Variants in COL5A2 observed in about 807,000 individuals in gnomAD.
COL5A2 encodes collagen type V alpha 2 chain.
Under a neutral mutation model 208.2 loss-of-function variants are expected in COL5A2, and 23 were observed. The ratio of observed to expected loss-of-function variants is 0.11; its 90% CI spans 0.08 to 0.16. The LOEUF is 0.16. Ranked by LOEUF, COL5A2 falls within the 10% of genes least tolerant of loss-of-function variation. COL5A2 has a pLI of 1.00. For missense variants in COL5A2, 1,590 were observed against 1,956.4 expected (o/e 0.81, Z 3.53); for synonymous variants, 625 against 628.5 (o/e 0.99, Z 0.08).
chr2:189,440,990 G>A, the COL5A2 span, among the ~76,000 whole-genome samples: 1 of 152,156 alleles, frequency 6.6e-6, no homozygotes, highest in South Asian at 2.1e-4. Context: ...CTAATGAGAG[G>A]AACAAAAAGC....
chr2:189,277,361 C>A, the COL5A2 span, among the ~76,000 whole-genome samples: 207 of 151,980 alleles, frequency 1.4e-3, no homozygotes, highest in Non-Finnish European at 2.6e-3. Context: ...TAAGGTAAAT[C>A]AAGTAAGCAA....
chr2:189,123,381 G>C (rs1687546932), intron 1 of COL5A2, among the ~76,000 whole-genome samples: 1 of 152,128 alleles, frequency 6.6e-6, no homozygotes. Flanking sequence ...CTAATCCTCT[G>C]TACTTCAGAA....
Position 189,135,081 on chromosome 2 carries a change from C to T in COL5A2, c.98-24632G>A, listed in dbSNP as rs377624985. On this transcript the variant is annotated intron_variant, in intron 1 of 53. Transcript: ENST00000374866. ...TGTAATAAATCTTCAATTCAAGTCACAACTTTTCTTCTTGTTATCTTTCTA... is the reference window on the plus strand; with the variant it reads ...TGTAATAAATCTTCAATTCAAGTCATAACTTTTCTTCTTGTTATCTTTCTA... Among the ~76,000 whole-genome samples the T allele has an allele frequency of 1.0e-3, 154 of 152,262 alleles. 3 individuals are homozygous for T. The highest frequency in any genetic ancestry group is 7.7e-3 in the South Asian group (37 of 4,808).
intron 1 of COL5A2, among the ~76,000 whole-genome samples, chr2:189,216,241 A>G (rs941723995): frequency 6.6e-6 from 1 of 152,154 alleles, no homozygotes. Flanking sequence ...AATGACAGCT[A>G]TGTGGAATGA....
chr2:189,267,470 A>G, the COL5A2 span, among the ~76,000 whole-genome samples: 1 of 152,212 alleles, frequency 6.6e-6, no homozygotes, highest in Non-Finnish European at 1.5e-5. Flanking sequence ...GGAACATGCT[A>G]AATGCATTTT....
At position 189,068,778 on chromosome 2, in the gene COL5A2, A is replaced by G; in HGVS notation, c.1257+8T>C. 2 of 1,601,334 alleles carry G rather than the reference A, an allele frequency of 1.2e-6. No individual in the cohort carries two copies. Among genetic ancestry groups the G allele is most frequent in the Non-Finnish European group, 8.6e-7 (1 of 1,168,710 alleles). ...CTGGGCTGGTTCTTAAATATGCTAG[A>G]AACTTACAGGAAGACCTGGAGAGCC... On this transcript the variant is annotated splice_region_variant and intron_variant, in intron 19 of 53. Transcript: ENST00000374866.
chr2:189,430,200 G>A, the COL5A2 span, among the ~76,000 whole-genome samples: 3 of 152,092 alleles, frequency 2.0e-5, no homozygotes, highest in African/African-American at 2.4e-5. Flanking sequence ...ATCACAACTT[G>A]CACAGGACTC....
At chr2:189,405,030 C>A in the COL5A2 span, among the ~76,000 whole-genome samples, 1 of 151,946 alleles carries the variant, frequency 6.6e-6, no homozygotes, top group Non-Finnish European at 1.5e-5. Flanking sequence ...GATAATTGTA[C>A]CTATTTTATG....
intron 26 of COL5A2, 106 bp downstream of exon 26, chr2:189,063,874 G>T: frequency 2.3e-6 from 2 of 878,656 alleles, no homozygotes; most frequent in Non-Finnish European, 1.8e-6. Context: ...ATGTCAATAT[G>T]ACCAGCATCC....
chr2:189,150,579 A>C (rs755177263), intron 1 of COL5A2, among the ~76,000 whole-genome samples: 23 of 152,192 alleles, frequency 1.5e-4, no homozygotes, highest in Admixed American at 2.6e-4. Flanking sequence ...TCTTATAATA[A>C]AATCGACCTA....
At chr2:189,239,286 CT>C in the COL5A2 span, among the ~76,000 whole-genome samples, 1 of 151,922 alleles carries the variant, frequency 6.6e-6, no homozygotes, top group African/African-American at 2.4e-5. Flanking sequence ...CAAAATGCCC[CT>C]GACCTATTCC....
the COL5A2 span, among the ~76,000 whole-genome samples, chr2:189,409,852 C>T: frequency 6.6e-6 from 1 of 152,056 alleles, no homozygotes; most frequent in African/African-American, 2.4e-5. Context: ...CCATCCACAC[C>T]CAAACCACAG....
chr2:189,293,825 C>T, the COL5A2 span, among the ~76,000 whole-genome samples: 1 of 152,180 alleles, frequency 6.6e-6, no homozygotes, highest in Non-Finnish European at 1.5e-5. Context: ...GTGGCTCATG[C>T]CTGTAATCCC....
At chr2:189,165,021 A>T (rs886459112) in intron 1 of COL5A2, among the ~76,000 whole-genome samples, 20 of 152,262 alleles carry the variant, frequency 1.3e-4, no homozygotes, top group African/African-American at 4.3e-4. Context: ...CTGTCTTGAC[A>T]TCAGTAAAAT....
intron 1 of COL5A2, among the ~76,000 whole-genome samples, chr2:189,151,788 T>C (rs1688147312): frequency 6.6e-6 from 1 of 152,128 alleles, no homozygotes; most frequent in Non-Finnish European, 1.5e-5. Context: ...GCACACACCT[T>C]ATATACTTCT....
intron 1 of COL5A2, among the ~76,000 whole-genome samples, chr2:189,143,955 C>T (rs1349088108): frequency 6.6e-6 from 1 of 152,002 alleles, no homozygotes; most frequent in African/African-American, 2.4e-5. Flanking sequence ...AAGAACTAGA[C>T]ATGGTAATGA....
At chr2:189,193,908 C>T (rs139389786) in intron 1 of COL5A2, among the ~76,000 whole-genome samples, 1 of 152,086 alleles carries the variant, frequency 6.6e-6, no homozygotes, top group Non-Finnish European at 1.5e-5. Context: ...CATGCAATCA[C>T]GAGAAAGCCA....
At chr2:189,143,236 C>T (rs1171199647) in intron 1 of COL5A2, among the ~76,000 whole-genome samples, 1 of 152,176 alleles carries the variant, frequency 6.6e-6, no homozygotes, top group Admixed American at 6.5e-5. Context: ...CCAAGCTCTC[C>T]TTGTCATACT....
chr2:189,343,575 T>C, the COL5A2 span, among the ~76,000 whole-genome samples: 1 of 152,176 alleles, frequency 6.6e-6, no homozygotes, highest in Non-Finnish European at 1.5e-5. Context: ...TTATCCTATT[T>C]ACATGTACTC....
Sources: allele counts gnomAD v4.1 joint callset (sites outside exome capture counted in the v4.1 genomes callset), GRCh38; gene constraint gnomAD v4.1.1; transcripts MANE v1.5; gene names NCBI Gene and HGNC (gene_info 2026-07-23, HGNC 2026-07-21).